The following PRKDC variants were observed in gnomAD, a reference collection of about 807,000 sequenced individuals.
PRKDC encodes the protein DNA-dependent protein kinase catalytic subunit.
A neutral mutation model predicts 486.9 loss-of-function variants in PRKDC; 82 were observed. That is an observed-to-expected ratio of 0.17 (90% CI 0.14 to 0.20). The LOEUF (loss-of-function observed/expected upper bound fraction) is 0.20. Ranked by LOEUF, PRKDC falls within the 10% of genes least tolerant of loss-of-function variation. The pLI is 1.00. For missense variants in PRKDC, 4,504 were observed against 5,038.2 expected (o/e 0.89, Z 3.21); for synonymous variants, 1,895 against 1,837.0 (o/e 1.03, Z -0.81).
At chr8:47,855,860 A>T (rs1361027831) in intron 49 of PRKDC, among the ~76,000 whole-genome samples, 3 of 151,894 alleles carry the variant, frequency 2.0e-5, no homozygotes, top group African/African-American at 7.3e-5. Flanking sequence ...GCAGTGCACC[A>T]CTCTAGGGGC....
At chr8:47,844,693 T>A (rs1379684473) in intron 54 of PRKDC, among the ~76,000 whole-genome samples, 1 of 151,770 alleles carries the variant, frequency 6.6e-6, no homozygotes, top group Non-Finnish European at 1.5e-5. Flanking sequence ...AAGCACACAC[T>A]CAGACCACAG....
chr8:47,786,595 C>G (rs1471727809), intron 76 of PRKDC, among the ~76,000 whole-genome samples: 1 of 151,222 alleles, frequency 6.6e-6, no homozygotes, highest in Non-Finnish European at 1.5e-5. Flanking sequence ...GGAAGTAGTT[C>G]AATAGAAATA....
At chr8:47,917,091 C>T (rs904506617) in intron 22 of PRKDC, among the ~76,000 whole-genome samples, 2 of 151,946 alleles carry the variant, frequency 1.3e-5, no homozygotes, top group Admixed American at 6.6e-5. Flanking sequence ...CCCATCTCTA[C>T]GAAAAATACA....
At chr8:47,931,314 G>A (rs975882635) in intron 16 of PRKDC, among the ~76,000 whole-genome samples, 8 of 152,130 alleles carry the variant, frequency 5.3e-5, no homozygotes, top group Non-Finnish European at 1.0e-4. Context: ...AACAAGGGAG[G>A]AGGAGGCTGG....
chr8:47,954,927 A>C (rs1337495642), intron 4 of PRKDC, among the ~76,000 whole-genome samples: 2 of 151,064 alleles, frequency 1.3e-5, no homozygotes, highest in Non-Finnish European at 1.5e-5. Flanking sequence ...AGGCCCAAGC[A>C]GGCGGATTAC....
At chr8:47,945,678 C>G (rs2090521907) in intron 7 of PRKDC, among the ~76,000 whole-genome samples, 1 of 152,132 alleles carries the variant, frequency 6.6e-6, no homozygotes, top group Non-Finnish European at 1.5e-5. Flanking sequence ...GGTTCTGGCC[C>G]TTTGGCTCAC....
At position 47,788,976 on chromosome 8, in the gene PRKDC, T is replaced by C. The variant is rs2086838963; in HGVS notation, c.10832A>G (p.Glu3611Gly). The change falls in exon 76 of 86, where the codon GAA (glutamate) becomes GGA (glycine). Residue 3611 changes from glutamate (E) to glycine (G), a missense_variant. Transcript: ENST00000314191. ...VNKKNIEKMY[E>G]RMYAALGDPK... is the part of the protein sequence containing the mutation. Reference sequence around the variant, plus strand: ...GTCACCCAAGGCTGCATACATTCTTTCATACATTTTTTCAATGTTTTTTTT... The same window carrying C: ...GTCACCCAAGGCTGCATACATTCTTCCATACATTTTTTCAATGTTTTTTTT... 6.2e-7 allele frequency: 1 copy of C among 1,613,616 alleles called. No individual in the cohort carries two copies. The highest frequency in any genetic ancestry group is 1.7e-5 in the Admixed American group (1 of 59,990).
chr8:47,780,544 T>A (rs557272782), intron 80 of PRKDC, among the ~76,000 whole-genome samples: 2 of 152,238 alleles, frequency 1.3e-5, no homozygotes, highest in Non-Finnish European at 2.9e-5. Context: ...TCACTTCAGG[T>A]GAAATCTTTT....
At chr8:47,894,055 C>A (rs1466405614) in intron 30 of PRKDC, among the ~76,000 whole-genome samples, 1 of 151,970 alleles carries the variant, frequency 6.6e-6, no homozygotes, top group Admixed American at 6.6e-5. Context: ...CTGAGATGGG[C>A]GGATCACTTG....
chr8:47,856,222 G>C (rs535523696), intron 49 of PRKDC, among the ~76,000 whole-genome samples: 4 of 151,864 alleles, frequency 2.6e-5, no homozygotes, highest in African/African-American at 7.3e-5. Context: ...TTTTTGTGGT[G>C]GGGGGGTGGT....
chr8:47,888,940 TG>T, intron 33 of PRKDC, 73 bp downstream of exon 33: 1 of 1,437,714 alleles, frequency 7.0e-7, no homozygotes, highest in Non-Finnish European at 9.7e-7. Context: ...CAGGAGCAGC[TG>T]CAGGAGCACG....
chr8:47,943,710 C>T (rs1292857396), intron 9 of PRKDC, 143 bp downstream of exon 9: 8 of 789,732 alleles, frequency 1.0e-5, no homozygotes, highest in African/African-American at 3.5e-5. Context: ...ACTAAGTCAC[C>T]GAAAGCCTCC....
chr8:47,878,168 G>A (rs1043219295), intron 39 of PRKDC, among the ~76,000 whole-genome samples: 1 of 145,040 alleles, frequency 6.9e-6, no homozygotes, highest in African/African-American at 2.6e-5. Context: ...GCAGTGACAC[G>A]ATCTCGGCTC....
In PRKDC at chr8:47,915,373, T is replaced by C. The variant is rs1425516434; in HGVS notation, c.2572A>G (p.Met858Val). 2 of 1,571,252 alleles carry C rather than the reference T, an allele frequency of 1.3e-6. No individual in the cohort carries two copies. The highest frequency in any genetic ancestry group is 1.7e-6 in the Non-Finnish European group (2 of 1,154,440). The stretch of plus-strand genomic sequence containing the variant: ...ATTTGTCCTCCTAGAGATCCAAGCA[T>C]TTGTACTACTCTAATTCTTATTTCT... ...LEEIRIRVVQMLGSLGGQINK... is the reference protein window; with the variant it reads ...LEEIRIRVVQVLGSLGGQINK... The change falls in exon 23 of 86, where the codon ATG becomes GTG. Residue 858 changes from methionine to valine, a missense_variant. Met to Val is a conservative substitution (Grantham distance 21). Coordinates refer to ENST00000314191, the MANE Select transcript of PRKDC (RefSeq NM_006904.7).
At chr8:47,912,132 A>C (rs2089915390) in intron 25 of PRKDC, among the ~76,000 whole-genome samples, 1 of 152,094 alleles carries the variant, frequency 6.6e-6, no homozygotes, top group Admixed American at 6.6e-5. Context: ...GAGGGGTGAC[A>C]GCTAATTCAC....
Position 47,929,129 on chromosome 8 carries a change from T to C in PRKDC, c.2102A>G (p.Tyr701Cys). 6.3e-7 allele frequency: 1 copy of C among 1,578,144 alleles called. No individual in the cohort carries two copies. Among genetic ancestry groups the C allele is most frequent in the Non-Finnish European group, 8.6e-7 (1 of 1,160,012 alleles). The change falls in exon 19 of 86, where the codon TAT (tyrosine) becomes TGT (cysteine). Residue 701 changes from tyrosine (Y) to cysteine (C), a missense_variant. By Grantham distance (194) the Tyr-to-Cys change is radical. Coordinates refer to ENST00000314191, the MANE Select transcript of PRKDC (RefSeq NM_006904.7). ...TTTCACAAATAAAGCAAAGCAAGAA[T>C]ACTTTTCTGGGTCTTCAGGAGAGTG... ...LKHSPEDPEK[Y>C]SCFALFVKFG...
At position 47,774,299 on chromosome 8, in the gene PRKDC, G is replaced by A; in HGVS notation, c.12261C>T (p.His4087=). ...YVAVARGSKD[H]NIRAQEPESG... ...TCTCTGGTTCTTGGGCACGAATGTT[G>A]TGATCTTTGCTTCCTCGTGCCACAG... Residue 4087 remains histidine (H), a synonymous_variant, in exon 86 of 86, where the codon CAC becomes CAT. Transcript: ENST00000314191. 6.2e-7 allele frequency: 1 copy of A among 1,612,914 alleles called. No individual in the cohort carries two copies. Among genetic ancestry groups the A allele is most frequent in the South Asian group, 1.1e-5 (1 of 90,646 alleles).
intron 63 of PRKDC, 70 bp downstream of exon 63, chr8:47,826,586 A>G: frequency 6.9e-7 from 1 of 1,443,470 alleles, no homozygotes; most frequent in Non-Finnish European, 9.4e-7. Flanking sequence ...TGCCAAATGA[A>G]GCCAAGTGTT....
At chr8:47,942,743 A>C (rs1429589248) in intron 10 of PRKDC, among the ~76,000 whole-genome samples, 1 of 152,242 alleles carries the variant, frequency 6.6e-6, no homozygotes, top group Non-Finnish European at 1.5e-5. Flanking sequence ...TCAGCCGACC[A>C]GACAAGCTTC....
Sources: gnomAD v4.1 joint callset for allele counts (sites outside exome capture counted in the v4.1 genomes callset) on GRCh38, gnomAD v4.1.1 for gene constraint, MANE v1.5 for transcripts, NCBI Gene and HGNC (gene_info 2026-07-23, HGNC 2026-07-21) for gene names.